The following GMDS variants were observed in gnomAD, a reference collection of about 807,000 sequenced individuals.
GMDS encodes the protein GDP-mannose 4,6-dehydratase.
A neutral mutation model predicts 49.9 loss-of-function variants in GMDS; 20 were observed. The observed-to-expected ratio is 0.40, with a 90% CI of 0.28 to 0.58. The LOEUF is 0.58. Among genes scored for constraint, GMDS ranks in the 20% least tolerant of loss-of-function variants. The probability of loss-of-function intolerance (pLI) is 0.42; values close to 1 mark genes in which losing one functional copy is unlikely to be tolerated. For missense variants in GMDS, 362 were observed against 481.4 expected (o/e 0.75, Z 2.32); for synonymous variants, 177 against 178.6 (o/e 0.99, Z 0.07).
intron 1 of GMDS, among the ~76,000 whole-genome samples, chr6:2,142,114 C>A (rs1258888700): frequency 2.6e-5 from 4 of 152,238 alleles, no homozygotes; most frequent in Middle Eastern, 3.4e-3. Context: ...AGTTTTACTG[C>A]ACGTTTACTA....
intron 6 of GMDS, among the ~76,000 whole-genome samples, chr6:1,957,734 G>A (rs1031497696): frequency 4.6e-5 from 7 of 152,198 alleles, no homozygotes; most frequent in African/African-American, 1.7e-4. Flanking sequence ...TATCACGAGG[G>A]TGGGAACTTT....
chr6:2,065,743 C>G (rs1430168603), intron 4 of GMDS, among the ~76,000 whole-genome samples: 2 of 152,086 alleles, frequency 1.3e-5, no homozygotes. Flanking sequence ...AAGAAACGAG[C>G]AAAGCCTCCA....
At chr6:1,810,064 G>A (rs183051718) in intron 7 of GMDS, among the ~76,000 whole-genome samples, 1 of 152,228 alleles carries the variant, frequency 6.6e-6, no homozygotes, top group African/African-American at 2.4e-5. Flanking sequence ...GTTGCTATGT[G>A]GTAGCCCCTG....
chr6:1,886,054 C>T (rs1203193921), intron 7 of GMDS, among the ~76,000 whole-genome samples: 3 of 152,194 alleles, frequency 2.0e-5, no homozygotes, highest in East Asian at 1.9e-4. Context: ...AAATTTCCTG[C>T]TTGGTCATTT....
intron 4 of GMDS, among the ~76,000 whole-genome samples, chr6:2,028,150 T>C (rs1049946036): frequency 6.6e-6 from 1 of 152,234 alleles, no homozygotes; most frequent in Non-Finnish European, 1.5e-5. Context: ...AACATCTTTA[T>C]GTGTAAAATG....
At chr6:1,769,959 C>CT (rs1768512216) in intron 7 of GMDS, among the ~76,000 whole-genome samples, 1 of 152,188 alleles carries the variant, frequency 6.6e-6, no homozygotes. Flanking sequence ...ACTCCTGACT[C>CT]TAAGTGACCA....
At chr6:2,230,213 A>G (rs575321241) in intron 1 of GMDS, among the ~76,000 whole-genome samples, 1 of 152,370 alleles carries the variant, frequency 6.6e-6, no homozygotes, top group South Asian at 2.1e-4. Flanking sequence ...TGTCCTACTA[A>G]AAGTTTCCAT....
chr6:2,032,058 A>C (rs1046892407), intron 4 of GMDS, among the ~76,000 whole-genome samples: 1 of 152,226 alleles, frequency 6.6e-6, no homozygotes. Flanking sequence ...ACAAAGATCC[A>C]TAAAGAACAA....
rs114319619 is a variant in GMDS at position 2,064,086 on chromosome 6, A to T, written c.345+51685T>A. ...ACAGACCATGTGGAAAAGAGATCTC[A>T]CACATTTAAAACACCAACAAAAGGC... On this transcript the variant is annotated intron_variant, in intron 4 of 10. Transcript: ENST00000380815. Among the ~76,000 whole-genome samples, 786 of 152,310 alleles carry T rather than the reference A, an allele frequency of 5.2e-3. 5 individuals are homozygous for T. Among genetic ancestry groups the T allele is most frequent in the African/African-American group, 0.018 (747 of 41,554 alleles).
At chr6:1,660,590 C>T (rs1402451764) in intron 9 of GMDS, among the ~76,000 whole-genome samples, 1 of 151,532 alleles carries the variant, frequency 6.6e-6, no homozygotes, top group East Asian at 1.9e-4. Flanking sequence ...GAGGAAAAGG[C>T]ACAGGAATCA....
At chr6:1,651,617 C>T (rs1763654836) in intron 9 of GMDS, among the ~76,000 whole-genome samples, 1 of 152,202 alleles carries the variant, frequency 6.6e-6, no homozygotes, top group Admixed American at 6.5e-5. Context: ...CCCTGGCCCT[C>T]ATCTCTGTTC....
intron 7 of GMDS, among the ~76,000 whole-genome samples, chr6:1,775,756 G>A (rs1768776235): frequency 1.3e-5 from 2 of 152,260 alleles, no homozygotes; most frequent in East Asian, 3.9e-4. Flanking sequence ...GTGGCTTGGA[G>A]TTCAAAACAC....
At chr6:1,939,973 C>T (rs967795927) in intron 6 of GMDS, among the ~76,000 whole-genome samples, 4 of 152,040 alleles carry the variant, frequency 2.6e-5, no homozygotes, top group Admixed American at 1.3e-4. Context: ...ACTTACCACA[C>T]TACACAAAAT....
At chr6:1,887,467 GAAGA>G (rs903979740) in intron 7 of GMDS, among the ~76,000 whole-genome samples, 104 of 152,196 alleles carry the variant, frequency 6.8e-4, no homozygotes, top group African/African-American at 2.5e-3. Context: ...TCCAAAACAG[GAAGA>G]AAGAGCTATG....
intron 7 of GMDS, among the ~76,000 whole-genome samples, chr6:1,818,709 T>G (rs1407753083): frequency 6.6e-6 from 1 of 151,816 alleles, no homozygotes; most frequent in South Asian, 2.1e-4. Flanking sequence ...TATGTACATA[T>G]ATACACATGC....
intron 7 of GMDS, among the ~76,000 whole-genome samples, chr6:1,904,218 A>AT (rs1760641947): frequency 6.6e-6 from 1 of 152,332 alleles, no homozygotes; most frequent in South Asian, 2.1e-4. Context: ...GACAAAATAA[A>AT]TGTAATCACA....
intron 7 of GMDS, among the ~76,000 whole-genome samples, chr6:1,903,854 C>A (rs1235928679): frequency 6.6e-6 from 1 of 152,168 alleles, no homozygotes; most frequent in African/African-American, 2.4e-5. Context: ...GGGCAGGAAC[C>A]TGGGGAGATG....
At chr6:2,073,212 T>C (rs924296480) in intron 4 of GMDS, among the ~76,000 whole-genome samples, 19 of 152,216 alleles carry the variant, frequency 1.2e-4, no homozygotes, top group African/African-American at 4.6e-4. Flanking sequence ...TTTCTAAATG[T>C]ATCTGGTTAC....
intron 1 of GMDS, among the ~76,000 whole-genome samples, chr6:2,127,502 A>G (rs1438611882): frequency 6.6e-6 from 1 of 152,124 alleles, no homozygotes; most frequent in African/African-American, 2.4e-5. Flanking sequence ...AGACCTGACC[A>G]GGACTGAACC....
Sources: gnomAD v4.1 joint callset for allele counts (sites outside exome capture counted in the v4.1 genomes callset) on GRCh38, gnomAD v4.1.1 for gene constraint, MANE v1.5 for transcripts, NCBI Gene and HGNC (gene_info 2026-07-23, HGNC 2026-07-21) for gene names.